The following TSPAN6 variants were observed in gnomAD, a reference collection of about 807,000 sequenced individuals.
The protein encoded by TSPAN6 is tetraspanin-6.
A neutral mutation model predicts 18.0 loss-of-function variants in TSPAN6; 13 were observed. The observed-to-expected ratio is 0.72, with a 90% CI of 0.47 to 1.15. The LOEUF (loss-of-function observed/expected upper bound fraction) is 1.15, where lower values mean the gene tolerates loss of function less well. TSPAN6 is among the 50% of genes most tolerant of loss of function. TSPAN6 has a pLI of 0.00. For synonymous variants in TSPAN6, 82 were observed against 67.0 expected, an observed-to-expected ratio of 1.22 and a Z score of -1.09; for missense variants, 186 against 183.9, an observed-to-expected ratio of 1.01 and a Z score of -0.07.
Position 100,636,683 on chromosome X carries a change from C to G in TSPAN6, c.12G>C (p.Pro4=), listed in dbSNP as rs1222954800. 2.5e-6 allele frequency: 3 copies of G among 1,201,930 alleles called. No individual in the cohort carries two copies. Among genetic ancestry groups the G allele is most frequent in the African/African-American group, 3.5e-5 (2 of 56,929 alleles). Residue 4 remains proline (P), a synonymous_variant, in exon 1 of 8, where the codon CCG becomes CCC. Coordinates refer to ENST00000373020, the MANE Select transcript of TSPAN6 (RefSeq NM_003270.4). The part of the protein sequence containing the change: MAS[P]SRRLQTKPVI... ...CTGGTTTAGTCTGCAGTCTCCGAGA[C>G]GGGGACGCCATGACTAGCCCGAGAC...
At position 100,633,559 on chromosome X, in the gene TSPAN6, C is replaced by G; in HGVS notation, c.451-20G>C. Reference sequence around the variant, plus strand: ...ATGCAACTGAAAAACCCAACAAAAGCATTTACAGTTTATATTACAACTTTG... The same window carrying G: ...ATGCAACTGAAAAACCCAACAAAAGGATTTACAGTTTATATTACAACTTTG... On this transcript the variant is annotated intron_variant, in intron 4 of 7. Coordinates refer to ENST00000373020, the MANE Select transcript of TSPAN6 (RefSeq NM_003270.4). The G allele has an allele frequency of 8.5e-7, 1 of 1,174,952 alleles. No homozygotes were observed. Among genetic ancestry groups the G allele is most frequent in the Non-Finnish European group, 1.1e-6 (1 of 879,228 alleles).
Position 100,635,225 on chromosome X carries a change from A to T in TSPAN6, c.304T>A (p.Leu102Met). 8.3e-7 allele frequency: 1 copy of T among 1,198,501 alleles called. No individual in the cohort carries two copies. Among genetic ancestry groups the T allele is most frequent in the Non-Finnish European group, 1.1e-6 (1 of 887,760 alleles). The stretch of plus-strand genomic sequence containing the variant: ...ACGATGGCAGCGACCAGTTCGACCA[A>T]AAAAACGAGAGTCAGAAACATTGCA... ...LYAMFLTLVF[L>M]VELVAAIVGF... Residue 102 changes from leucine (L) to methionine (M), a missense_variant, in exon 3 of 8, where the codon TTG becomes ATG. Coordinates refer to ENST00000373020, the MANE Select transcript of TSPAN6 (RefSeq NM_003270.4).
At chrX:100,635,950 C>A (rs1402981381) in intron 1 of TSPAN6, among the ~76,000 whole-genome samples, 4 of 112,010 alleles carry the variant, frequency 3.6e-5, no homozygotes, top group African/African-American at 9.7e-5. Flanking sequence ...TCTTAAAATT[C>A]ATCTTTTTGT....
rs1391805565 is a variant in TSPAN6 at position 100,629,346 on chromosome X, G to A, written c.*680C>T. ...TCAGTAGTCCCTTCCAGTCGTGGAT[G>A]CCTTAGACCCAAGGCCTTACACTGT... On this transcript the variant is annotated 3_prime_UTR_variant, in exon 8 of 8. Transcript: ENST00000373020. 3 of 111,964 alleles carry A rather than the reference G, an allele frequency of 2.7e-5. No individual in the cohort carries two copies. The highest frequency in any genetic ancestry group is 5.6e-5 in the Non-Finnish European group (3 of 53,206). The allele number at this position is 111,964 out of a possible 1,213,427, so 9.2% of individuals were successfully genotyped here.
intron 6 of TSPAN6, 86 bp from the exon 7 acceptor site, chrX:100,630,952 G>A (rs760478819): frequency 1.7e-4 from 124 of 725,371 alleles, no homozygotes; most frequent in African/African-American, 3.6e-4. Flanking sequence ...CTTGTAATTC[G>A]CTTATAATTT....
chrX:100,636,490 G>T, intron 1 of TSPAN6, 118 bp downstream of exon 1: 1 of 1,016,132 alleles, frequency 9.8e-7, no homozygotes. Context: ...GGTCCCAGGC[G>T]CGATGGCCGC....
chrX:100,630,518 G>A (rs898097788), intron 7 of TSPAN6, among the ~76,000 whole-genome samples: 3 of 111,850 alleles, frequency 2.7e-5, no homozygotes, highest in African/African-American at 6.5e-5. Flanking sequence ...AAACCCACAC[G>A]GGGAGTCTTC....
At chrX:100,634,553 G>A (rs1361729279) in intron 3 of TSPAN6, among the ~76,000 whole-genome samples, 2 of 110,051 alleles carry the variant, frequency 1.8e-5, no homozygotes, top group Admixed American at 9.7e-5. Context: ...GTGCAGTGGC[G>A]CGATCTCGGC....
At chrX:100,634,243 T>C (rs1251826169) in intron 3 of TSPAN6, among the ~76,000 whole-genome samples, 1 of 111,223 alleles carries the variant, frequency 9.0e-6, no homozygotes, top group Admixed American at 9.6e-5. Flanking sequence ...TGAGAACCAC[T>C]ACAAGTTCAA....
In TSPAN6 at chrX:100,628,022, G is replaced by A. The variant is rs1160482061; in HGVS notation, c.*2004C>T. Reference sequence around the variant, plus strand: ...AGACGGTGTTTTACCATGTTGGCCAGGCTGGTCTAGAACTCCTGACCTCAG... The same window carrying A: ...AGACGGTGTTTTACCATGTTGGCCAAGCTGGTCTAGAACTCCTGACCTCAG... On this transcript the variant is annotated 3_prime_UTR_variant, in exon 8 of 8. Transcript: ENST00000373020. 2 of 110,385 alleles carry A rather than the reference G, an allele frequency of 1.8e-5. No individual in the cohort carries two copies. Among genetic ancestry groups the A allele is most frequent in the Non-Finnish European group, 3.8e-5 (2 of 52,830 alleles). The allele number at this position is 110,385 out of a possible 1,213,427, so 9.1% of individuals were successfully genotyped here. A position where few individuals can be genotyped will look rare whatever the true frequency, so the allele number is the denominator to read the frequency against.
chrX:100,632,343 G>GT, intron 6 of TSPAN6, 142 bp downstream of exon 6: 1 of 479,753 alleles, frequency 2.1e-6, no homozygotes, highest in South Asian at 3.0e-5. Context: ...GGAAGTGGAG[G>GT]TTGCAGGGAG....
rs1436806666 is a variant in TSPAN6 at position 100,627,441 on chromosome X, T to C, written c.*2585A>G. 2 of 112,125 alleles carry C rather than the reference T, an allele frequency of 1.8e-5. No homozygotes were observed. Among genetic ancestry groups the C allele is most frequent in the Non-Finnish European group, 3.8e-5 (2 of 53,168 alleles). 9.2% of individuals were successfully genotyped at this position (112,125 alleles called of 1,213,427 possible). A position where few individuals can be genotyped will look rare whatever the true frequency, so the allele number is the denominator to read the frequency against. ...TAAGGGAAACTCACTCCCTCTGCCA[T>C]TAGGATTGTCACCATGGAAATGAGC... On this transcript the variant is annotated 3_prime_UTR_variant, in exon 8 of 8. Transcript: ENST00000373020.
In TSPAN6 at chrX:100,628,344, C is replaced by G. The variant is rs2083037834; in HGVS notation, c.*1682G>C. 1 of 111,481 alleles carries G rather than the reference C, an allele frequency of 9.0e-6. No individual in the cohort carries two copies. The allele number at this position is 111,481 out of a possible 1,213,427, so 9.2% of individuals were successfully genotyped here. A position where few individuals can be genotyped will look rare whatever the true frequency, so the allele number is the denominator to read the frequency against. Reference sequence around the variant, plus strand: ...CATCAAATGTTCTAATGGAGAATATCATTTTTCTGCAATAACTCCAAGCAT... The same window carrying G: ...CATCAAATGTTCTAATGGAGAATATGATTTTTCTGCAATAACTCCAAGCAT... On this transcript the variant is annotated 3_prime_UTR_variant, in exon 8 of 8. Transcript: ENST00000373020.
rs1319344710 is a variant in TSPAN6 at position 100,629,468 on chromosome X, G to A, written c.*558C>T. 1 of 111,897 alleles carries A rather than the reference G, an allele frequency of 8.9e-6. No homozygotes were observed. Among genetic ancestry groups the A allele is most frequent in the East Asian group, 2.8e-4 (1 of 3,569 alleles). The allele number at this position is 111,897 out of a possible 1,213,427, so 9.2% of individuals were successfully genotyped here. A position where few individuals can be genotyped will look rare whatever the true frequency, so the allele number is the denominator to read the frequency against. On this transcript the variant is annotated 3_prime_UTR_variant, in exon 8 of 8. Coordinates refer to ENST00000373020, the MANE Select transcript of TSPAN6 (RefSeq NM_003270.4). Reference sequence around the variant, plus strand: ...TCTCTGCCTGTCAGCAGAACAGAGAGTCATAAAACATTTTAACTTCTTGGT... The same window carrying A: ...TCTCTGCCTGTCAGCAGAACAGAGAATCATAAAACATTTTAACTTCTTGGT...
Position 100,632,569 on chromosome X carries a change from C to T in TSPAN6, c.586-1G>A. The T allele has an allele frequency of 8.5e-7, 1 of 1,178,214 alleles. No homozygotes were observed. The highest frequency in any genetic ancestry group is 1.8e-5 in the African/African-American group (1 of 56,845). ...TGGTCATCACCTTTATAAAACAACC[C>T]TAATGGGAGGAAAAAAACAAAGATT... is the stretch of plus-strand genomic sequence containing the variant. On this transcript the variant is annotated splice_acceptor_variant, in intron 5 of 7. Transcript: ENST00000373020. LOFTEE classifies it high-confidence loss of function.
intron 6 of TSPAN6, 65 bp downstream of exon 6, chrX:100,632,417 AGTG>A: frequency 5.7e-6 from 5 of 879,931 alleles, no homozygotes; most frequent in Admixed American, 2.7e-5. Context: ...AAAAAAAAAA[AGTG>A]AAAATCTTCT....
At chrX:100,634,107 C>G in intron 3 of TSPAN6, 78 bp from the exon 4 acceptor site, 1 of 610,697 alleles carries the variant, frequency 1.6e-6, no homozygotes, top group Non-Finnish European at 2.7e-6. Flanking sequence ...GTTCTCGAAT[C>G]TGACCAATGG....
rs2083047489 is a variant in TSPAN6, at chrX:100,629,858, G to GTAGT, written c.*164_*167dup. 3.4e-6 allele frequency: 1 copy of GTAGT among 291,104 alleles called. No individual in the cohort carries two copies. Among genetic ancestry groups the GTAGT allele is most frequent in the East Asian group, 2.2e-4 (1 of 4,511 alleles). The allele number at this position is 291,104 out of a possible 1,213,427, so 24.0% of individuals were successfully genotyped here. A position where few individuals can be genotyped will look rare whatever the true frequency, so the allele number is the denominator to read the frequency against. On this transcript the variant is annotated 3_prime_UTR_variant, in exon 8 of 8. Transcript: ENST00000373020. ...ATCTTGATTGAATCAGCCTATTGGT[G>GTAGT]TAGTTTTAGGTCTACATACATCTTG...
intron 1 of TSPAN6, chrX:100,636,124 C>A: frequency 2.6e-6 from 2 of 776,754 alleles, no homozygotes; most frequent in Non-Finnish European, 1.5e-6. Flanking sequence ...GCACAGGGTA[C>A]AAAGGACTGG....
Sources: gnomAD v4.1 joint callset for allele counts (sites outside exome capture counted in the v4.1 genomes callset) on GRCh38, gnomAD v4.1.1 for gene constraint, MANE v1.5 for transcripts, NCBI Gene and HGNC (gene_info 2026-07-23, HGNC 2026-07-21) for gene names.